Variants in GRIP2 observed in about 807,000 individuals in gnomAD.
GRIP2 encodes the protein glutamate receptor interacting protein 2.
Under a neutral mutation model 108.3 loss-of-function variants are expected in GRIP2, and 58 were observed. That is an observed-to-expected ratio of 0.54 (90% CI 0.43 to 0.67). GRIP2 has a LOEUF of 0.67. Ranked by LOEUF, GRIP2 falls within the 30% of genes least tolerant of loss-of-function variation. The pLI is 0.00. For synonymous variants in GRIP2, 586 were observed against 598.2 expected (o/e 0.98, Z 0.30); for missense variants, 1,278 against 1,430.6 (o/e 0.89, Z 1.72).
At position 14,520,280 on chromosome 3, in the gene GRIP2, C is replaced by T. The variant is rs1279737319; in HGVS notation, c.861-1G>A. On this transcript the variant is annotated splice_acceptor_variant, in intron 8 of 23. Coordinates refer to ENST00000621039, the MANE Select transcript of GRIP2 (RefSeq NM_001080423.4). LOFTEE classifies it high-confidence loss of function. ...GTCTCCAGGGTGCAGGGCTCCGCTCCTGGCCAGGCAGGGGAGTGAAGGCGG... is the reference window on the plus strand; with the variant it reads ...GTCTCCAGGGTGCAGGGCTCCGCTCTTGGCCAGGCAGGGGAGTGAAGGCGG... 6.2e-7 allele frequency: 1 copy of T among 1,613,110 alleles called. No homozygotes were observed. The highest frequency in any genetic ancestry group is 1.7e-5 in the Admixed American group (1 of 59,996).
chr3:14,520,229 C>T lies in GRIP2; in HGVS notation c.911G>A (p.Ser304Asn), dbSNP rs780889181. ...CTCAAGCAGCGAGCAGTGTTCCATG[C>T]TGGTGCCATCGATGGACAGGATGTG... ...GDHILSIDGT[S>N]MEHCSLLEAT... The change falls in exon 9 of 24, where the codon AGC (serine) becomes AAC (asparagine). Residue 304 changes from serine (S) to asparagine (N), a missense_variant. Transcript: ENST00000621039. 1 of 1,613,746 alleles carries T rather than the reference C, an allele frequency of 6.2e-7. No homozygotes were observed. The highest frequency in any genetic ancestry group is 1.3e-5 in the African/African-American group (1 of 74,936).
At position 14,507,437 on chromosome 3, in the gene GRIP2, C is replaced by A; in HGVS notation, c.2218+124G>T. On this transcript the variant is annotated intron_variant, in intron 18 of 23. Transcript: ENST00000621039. This position sits in a 1 kb window ranked among gnomAD's most constrained non-coding sequence, Gnocchi z 4.6. ...CTCTGAGTCTTATCTTCTTTGCCAT[C>A]GCAGGCCCGCCTCCACAGGGCTGCA... 1 of 1,207,282 alleles carries A rather than the reference C, an allele frequency of 8.3e-7. No individual in the cohort carries two copies. The highest frequency in any genetic ancestry group is 1.2e-6 in the Non-Finnish European group (1 of 851,084). The allele number at this position is 1,207,282 out of a possible 1,614,324, so 74.8% of individuals were successfully genotyped here.
intron 22 of GRIP2, 66 bp downstream of exon 22, chr3:14,496,351 C>T: frequency 7.1e-7 from 1 of 1,418,248 alleles, no homozygotes; most frequent in Non-Finnish European, 9.6e-7. Flanking sequence ...CCTCTGGAGT[C>T]CCACGACAGT....
rs976556734 is a variant in GRIP2, at chr3:14,504,049, G to A, written c.2574-378C>T. ...GGCCCCTGGCCCCACCCAGACACAC[G>A]GCACCGTGGGACAGTGACAGGGACA... is the stretch of plus-strand genomic sequence containing the variant. On this transcript the variant is annotated intron_variant, in intron 20 of 23. Coordinates refer to ENST00000621039, the MANE Select transcript of GRIP2 (RefSeq NM_001080423.4). 15 of 261,866 alleles carry A rather than the reference G, an allele frequency of 5.7e-5. No individual in the cohort carries two copies. In the South Asian group the frequency reaches 6.4e-4, roughly 11 times the overall value. 16.2% of individuals were successfully genotyped at this position (261,866 alleles called of 1,614,324 possible).
chr3:14,584,097 A>G, the GRIP2 span, among the ~76,000 whole-genome samples: 35 of 152,316 alleles, frequency 2.3e-4, 1 homozygote, highest in African/African-American at 8.4e-4. Flanking sequence ...GCTCAGAGAG[A>G]TCAGGTCACT....
chr3:14,515,094 T>C (rs1049478066), intron 11 of GRIP2, among the ~76,000 whole-genome samples: 1 of 152,228 alleles, frequency 6.6e-6, no homozygotes, highest in South Asian at 2.1e-4. Context: ...TCATGCACCA[T>C]GTGGCCTTTG....
the GRIP2 span, among the ~76,000 whole-genome samples, chr3:14,585,484 C>G: frequency 5.8e-4 from 89 of 152,362 alleles, 2 homozygotes; most frequent in Middle Eastern, 3.4e-3. Flanking sequence ...AGAGCAGACA[C>G]AGGCCCATTA....
At chr3:14,567,602 A>G in the GRIP2 span, among the ~76,000 whole-genome samples, 2 of 152,186 alleles carry the variant, frequency 1.3e-5, no homozygotes, top group East Asian at 3.9e-4. Flanking sequence ...TCCTCAAACA[A>G]GGATTTTCAT....
At chr3:14,555,392 G>A (rs959996213) in intron 1 of GRIP2, among the ~76,000 whole-genome samples, 1 of 85,342 alleles carries the variant, frequency 1.2e-5, no homozygotes, top group Non-Finnish European at 2.8e-5. Flanking sequence ...GGGTGGGGGC[G>A]GGGGCGATGA....
intron 1 of GRIP2, among the ~76,000 whole-genome samples, chr3:14,552,754 G>C (rs1287786370): frequency 1.3e-5 from 2 of 151,688 alleles, no homozygotes; most frequent in Admixed American, 6.6e-5. Flanking sequence ...CACCACACAT[G>C]GCTAATTTTT....
the GRIP2 span, among the ~76,000 whole-genome samples, chr3:14,568,594 G>T: frequency 2.6e-5 from 4 of 152,166 alleles, no homozygotes; most frequent in Admixed American, 6.5e-5. Flanking sequence ...CGTGGCACAG[G>T]TCTGGGGTCT....
Position 14,522,244 on chromosome 3 carries a change from T to G in GRIP2, c.567-457A>C. ...TCCCATTGCTCCACCCTCACCCTGG[T>G]TTCTCAGCGGTGATTCTGGCCTGAT... On this transcript the variant is annotated intron_variant, in intron 6 of 23. Transcript: ENST00000621039. The surrounding 1 kb of genome is among the most constrained non-coding windows in gnomAD (Gnocchi z 4.3). 1 of 156,002 alleles carries G rather than the reference T, an allele frequency of 6.4e-6. No individual in the cohort carries two copies. The highest frequency in any genetic ancestry group is 1.4e-5 in the Non-Finnish European group (1 of 70,846). The allele number at this position is 156,002 out of a possible 1,614,324, so 9.7% of individuals were successfully genotyped here. A position where few individuals can be genotyped will look rare whatever the true frequency, so the allele number is the denominator to read the frequency against.
At chr3:14,577,133 T>A in the GRIP2 span, among the ~76,000 whole-genome samples, 8 of 152,230 alleles carry the variant, frequency 5.3e-5, no homozygotes, top group Non-Finnish European at 1.0e-4. Flanking sequence ...AATGTTGGCA[T>A]GGAGATTGGA....
intron 17 of GRIP2, among the ~76,000 whole-genome samples, chr3:14,509,188 C>A (rs1694013715): frequency 6.6e-6 from 1 of 152,184 alleles, no homozygotes; most frequent in Non-Finnish European, 1.5e-5. Flanking sequence ...ACGCGTCCTG[C>A]CCCTGCAGCC....
intron 1 of GRIP2, among the ~76,000 whole-genome samples, chr3:14,549,902 TG>T (rs1464273526): frequency 6.6e-6 from 1 of 152,166 alleles, no homozygotes; most frequent in African/African-American, 2.4e-5. Context: ...TGTGTCCTCA[TG>T]GTAGACTTGA....
chr3:14,500,917 G>T (rs1263151505), intron 21 of GRIP2, among the ~76,000 whole-genome samples: 2 of 152,188 alleles, frequency 1.3e-5, no homozygotes, highest in African/African-American at 4.8e-5. Context: ...GAATTCTATA[G>T]TGCCTATCTT....
At chr3:14,600,821 A>G in the GRIP2 span, among the ~76,000 whole-genome samples, 1 of 152,204 alleles carries the variant, frequency 6.6e-6, no homozygotes, top group Admixed American at 6.5e-5. Flanking sequence ...TTTAGTGCGG[A>G]GCTCAAGGAT....
At chr3:14,553,084 A>G (rs1183092542) in intron 1 of GRIP2, among the ~76,000 whole-genome samples, 3 of 147,448 alleles carry the variant, frequency 2.0e-5, no homozygotes, top group African/African-American at 7.5e-5. Context: ...CAGATCTTTC[A>G]AGCCTCCAGG....
chr3:14,564,281 G>A, the GRIP2 span, among the ~76,000 whole-genome samples: 2 of 152,224 alleles, frequency 1.3e-5, no homozygotes, highest in Non-Finnish European at 1.5e-5. Context: ...TCACAAGTAC[G>A]CAGATTAAAT....
Sources: allele counts gnomAD v4.1 joint callset (sites outside exome capture counted in the v4.1 genomes callset), GRCh38; gene constraint gnomAD v4.1.1; non-coding constraint Gnocchi (gnomAD v3.1); transcripts MANE v1.5; gene names NCBI Gene and HGNC (gene_info 2026-07-23, HGNC 2026-07-21).